The following ERBB4 variants were observed in gnomAD, a reference collection of about 807,000 sequenced individuals.
ERBB4 encodes erb-b2 receptor tyrosine kinase 4.
ERBB4 carries 42 observed loss-of-function variants against 158.0 expected under a neutral mutation model. That is an observed-to-expected ratio of 0.27 (90% CI 0.21 to 0.34). The LOEUF (loss-of-function observed/expected upper bound fraction) is 0.34. ERBB4 is among the 10% of genes least tolerant of loss of function. The pLI is 1.00. For missense variants in ERBB4, 1,333 were observed against 1,624.1 expected (o/e 0.82, Z 3.08); for synonymous variants, 583 against 558.7 (o/e 1.04, Z -0.61).
Position 211,872,638 on chromosome 2 carries a change from G to C in ERBB4, c.421+74792C>G, listed in dbSNP as rs548729269. ...GTCAGTATATTTAAAGGTCAATATG[G>C]TATGATAATTGCCCCTTCAAAAAAT... On this transcript the variant is annotated intron_variant, in intron 3 of 27. Coordinates refer to ENST00000342788, the MANE Select transcript of ERBB4 (RefSeq NM_005235.3). Among the ~76,000 whole-genome samples the C allele has an allele frequency of 6.2e-4, 94 of 152,116 alleles. 2 individuals carry two copies. The South Asian group carries it at 0.018, about 30-fold the overall frequency.
intron 20 of ERBB4, among the ~76,000 whole-genome samples, chr2:211,526,515 A>C (rs1470257113): frequency 6.6e-6 from 1 of 152,156 alleles, no homozygotes; most frequent in Non-Finnish European, 1.5e-5. Context: ...GAATGAGTAC[A>C]AACAAGCCCA....
intron 19 of ERBB4, among the ~76,000 whole-genome samples, chr2:211,596,080 C>G (rs1325632454): frequency 6.6e-6 from 1 of 151,960 alleles, no homozygotes; most frequent in Non-Finnish European, 1.5e-5. Flanking sequence ...AATTATAAAA[C>G]TAAAGTATAT....
intron 12 of ERBB4, among the ~76,000 whole-genome samples, chr2:211,692,125 A>G (rs1410217226): frequency 6.6e-6 from 1 of 152,190 alleles, no homozygotes; most frequent in African/African-American, 2.4e-5. Flanking sequence ...GGGAAGGTAG[A>G]GCTTTTTAAT....
chr2:211,952,445 C>T (rs973304389), intron 2 of ERBB4, among the ~76,000 whole-genome samples: 4 of 152,032 alleles, frequency 2.6e-5, no homozygotes, highest in South Asian at 4.1e-4. Context: ...TCTGATAAGG[C>T]CACACAACCA....
At chr2:212,384,410 C>T (rs745411644) in intron 1 of ERBB4, among the ~76,000 whole-genome samples, 20 of 151,154 alleles carry the variant, frequency 1.3e-4, no homozygotes, top group Non-Finnish European at 2.2e-4. Context: ...CTTCTTGTGA[C>T]GGAGAGAGTA....
intron 2 of ERBB4, among the ~76,000 whole-genome samples, chr2:211,962,031 T>TA (rs1450643205): frequency 2.6e-5 from 4 of 152,070 alleles, no homozygotes; most frequent in African/African-American, 9.7e-5. Context: ...ATAGGGCACA[T>TA]AGTGGGGTTT....
At chr2:211,594,454 T>A (rs73078706) in intron 19 of ERBB4, among the ~76,000 whole-genome samples, 10,213 of 140,494 alleles carry the variant, frequency 0.073, 1,076 homozygotes, top group African/African-American at 0.24. Context: ...AAATAACAAA[T>A]AAAAAAAAAA....
At chr2:211,922,343 G>A (rs115721827) in intron 3 of ERBB4, among the ~76,000 whole-genome samples, 7,075 of 152,164 alleles carry the variant, frequency 0.046, 224 homozygotes, top group Middle Eastern at 0.095. Context: ...CAAGAGTGAC[G>A]TGAAAAATTC....
chr2:211,545,499 T>C (rs1025435161), intron 20 of ERBB4, among the ~76,000 whole-genome samples: 3 of 152,122 alleles, frequency 2.0e-5, no homozygotes, highest in African/African-American at 7.2e-5. Flanking sequence ...TCTTAATATG[T>C]ACCACAAAGG....
intron 1 of ERBB4, among the ~76,000 whole-genome samples, chr2:212,212,054 T>G (rs967904611): frequency 6.6e-6 from 1 of 152,108 alleles, no homozygotes; most frequent in South Asian, 2.1e-4. Context: ...TTTGAATGAT[T>G]TGTATTCCTT....
At chr2:211,705,247 C>A in intron 10 of ERBB4, 71 bp downstream of exon 10, 1 of 1,063,814 alleles carries the variant, frequency 9.4e-7, no homozygotes, top group South Asian at 1.3e-5. Context: ...CCACGATGCC[C>A]AGTCAATCTT....
intron 17 of ERBB4, among the ~76,000 whole-genome samples, chr2:211,629,640 C>T (rs1236563438): frequency 6.6e-6 from 1 of 152,188 alleles, no homozygotes; most frequent in African/African-American, 2.4e-5. Context: ...TACCTGACTT[C>T]AAACTACACT....
At chr2:211,838,360 C>G (rs2077387893) in intron 3 of ERBB4, among the ~76,000 whole-genome samples, 1 of 152,066 alleles carries the variant, frequency 6.6e-6, no homozygotes, top group South Asian at 2.1e-4. Context: ...GTCATCCCCT[C>G]AGTGTTTAAC....
chr2:211,529,992 T>C (rs1030662447), intron 20 of ERBB4, among the ~76,000 whole-genome samples: 7 of 151,984 alleles, frequency 4.6e-5, no homozygotes, highest in African/African-American at 1.4e-4. Flanking sequence ...AAAGTGGATA[T>C]CTGAATAGAG....
chr2:212,391,779 ATATAT>A (rs1392116975), intron 1 of ERBB4, among the ~76,000 whole-genome samples: 4 of 145,000 alleles, frequency 2.8e-5, no homozygotes, highest in Admixed American at 2.1e-4. Flanking sequence ...ATATATGTCA[ATATAT>A]TATATTGACA....
chr2:212,229,758 T>C (rs2083601075), intron 1 of ERBB4, among the ~76,000 whole-genome samples: 1 of 152,134 alleles, frequency 6.6e-6, no homozygotes, highest in African/African-American at 2.4e-5. Context: ...AAGGAGAGAC[T>C]TGCTATATGT....
At chr2:212,418,661 T>G (rs1196338565) in intron 1 of ERBB4, among the ~76,000 whole-genome samples, 4 of 151,930 alleles carry the variant, frequency 2.6e-5, no homozygotes, top group African/African-American at 7.2e-5. Flanking sequence ...TTGAAAATGC[T>G]AATTTACTAA....
At chr2:212,091,877 T>C (rs2078789152) in intron 2 of ERBB4, among the ~76,000 whole-genome samples, 1 of 152,240 alleles carries the variant, frequency 6.6e-6, no homozygotes, top group East Asian at 1.9e-4. Context: ...CAAAGCAAAA[T>C]TTATTACTTT....
At chr2:211,543,788 T>A (rs1323022946) in intron 20 of ERBB4, among the ~76,000 whole-genome samples, 2 of 134,682 alleles carry the variant, frequency 1.5e-5, no homozygotes, top group Non-Finnish European at 3.3e-5. Context: ...TGAATCTGAT[T>A]TAAAAGAAGT....
Sources: allele counts gnomAD v4.1 joint callset (sites outside exome capture counted in the v4.1 genomes callset), GRCh38; gene constraint gnomAD v4.1.1; transcripts MANE v1.5; gene names NCBI Gene and HGNC (gene_info 2026-07-23, HGNC 2026-07-21).